CAMK4: variants seen among roughly 807,000 people sequenced by gnomAD.
CAMK4 encodes the protein calcium/calmodulin-dependent protein kinase type IV.
CAMK4 carries 22 observed loss-of-function variants against 44.9 expected under a neutral mutation model. The observed-to-expected ratio is 0.49, with a 90% CI of 0.35 to 0.70. The LOEUF is 0.70. Among genes scored for constraint, CAMK4 ranks in the 30% least tolerant of loss-of-function variants. The pLI is 0.01. For missense variants in CAMK4, 498 were observed against 586.8 expected (o/e 0.85, Z 1.56); for synonymous variants, 218 against 215.4 (o/e 1.01, Z -0.11).
intron 2 of CAMK4, among the ~76,000 whole-genome samples, chr5:111,371,455 C>A (rs1181845742): frequency 6.6e-6 from 1 of 152,170 alleles, no homozygotes; most frequent in African/African-American, 2.4e-5. Context: ...CTTCTGATAA[C>A]ATTATGTAGA....
At chr5:111,406,654 A>T (rs1283669455) in intron 5 of CAMK4, among the ~76,000 whole-genome samples, 1 of 152,186 alleles carries the variant, frequency 6.6e-6, no homozygotes, top group Non-Finnish European at 1.5e-5. Flanking sequence ...CTCTGGGCTC[A>T]CTTTGCACAC....
chr5:111,278,573 G>A (rs1750869876), intron 1 of CAMK4, among the ~76,000 whole-genome samples: 1 of 152,088 alleles, frequency 6.6e-6, no homozygotes, highest in African/African-American at 2.4e-5. Flanking sequence ...AAACATTTAC[G>A]GAGTAAATGC....
In CAMK4 at chr5:111,488,170, T is replaced by A. The variant is rs1474578373; in HGVS notation, c.*3704T>A. On this transcript the variant is annotated 3_prime_UTR_variant, in exon 11 of 11. Transcript: ENST00000282356. The stretch of plus-strand genomic sequence containing the variant: ...GAGGCCTGGATTAAGCTTCATGCCA[T>A]CCTTGTATCACAGGCAATATGTCTT... The A allele has an allele frequency of 6.6e-6, 1 of 152,222 alleles. No individual in the cohort carries two copies. Among genetic ancestry groups the A allele is most frequent in the African/African-American group, 2.4e-5 (1 of 41,464 alleles). 9.4% of individuals were successfully genotyped at this position (152,222 alleles called of 1,614,324 possible). A position where few individuals can be genotyped will look rare whatever the true frequency, so the allele number is the denominator to read the frequency against.
chr5:111,336,362 T>A, intron 1 of CAMK4, among the ~76,000 whole-genome samples: 1 of 151,386 alleles, frequency 6.6e-6, no homozygotes. Flanking sequence ...TAACTGTTAA[T>A]ATGCTTTATG....
chr5:111,373,743 C>T (rs548668453), intron 2 of CAMK4, among the ~76,000 whole-genome samples: 100 of 152,266 alleles, frequency 6.6e-4, no homozygotes, highest in African/African-American at 2.0e-3. Flanking sequence ...ACATAAACTT[C>T]TTCACTTCTA....
chr5:111,361,569 G>A (rs993342815), intron 2 of CAMK4, among the ~76,000 whole-genome samples: 1 of 151,982 alleles, frequency 6.6e-6, no homozygotes, highest in African/African-American at 2.4e-5. Context: ...AGAAAGGACG[G>A]AGTATATTAC....
Position 111,335,879 on chromosome 5 carries a change from CACATT to C in CAMK4, c.162-8141_162-8137del, listed in dbSNP as rs551099352. 1.5e-3 allele frequency among the ~76,000 whole-genome samples: 229 copies of C among 151,482 alleles called. 2 individuals carry two copies. The highest frequency in any genetic ancestry group is 5.2e-3 in the African/African-American group (215 of 41,472). ...CAAATACTACATATGATTTTACAAACACATTACAGGTTTGACAACTCTCTCTTTTT... is the reference window on the plus strand; with the variant it reads ...CAAATACTACATATGATTTTACAAACACAGGTTTGACAACTCTCTCTTTTT... On this transcript the variant is annotated intron_variant, in intron 1 of 10. Coordinates refer to ENST00000282356, the MANE Select transcript of CAMK4 (RefSeq NM_001744.6).
intron 4 of CAMK4, among the ~76,000 whole-genome samples, chr5:111,380,769 T>G (rs2112834967): frequency 6.6e-6 from 1 of 152,316 alleles, no homozygotes; most frequent in Non-Finnish European, 1.5e-5. Flanking sequence ...GGTTTTAGAA[T>G]TTGAGACCTG....
chr5:111,460,717 C>T (rs1176294981), intron 7 of CAMK4, among the ~76,000 whole-genome samples: 1 of 152,140 alleles, frequency 6.6e-6, no homozygotes, highest in Non-Finnish European at 1.5e-5. Context: ...TTGCTGGCAT[C>T]CATCACAACT....
At chr5:111,440,954 T>G (rs536360659) in intron 5 of CAMK4, among the ~76,000 whole-genome samples, 3 of 152,286 alleles carry the variant, frequency 2.0e-5, no homozygotes, top group African/African-American at 7.2e-5. Context: ...GCTCATAACA[T>G]ACTAAGTAAT....
At chr5:111,384,311 T>A (rs1431862641) in intron 4 of CAMK4, among the ~76,000 whole-genome samples, 2 of 152,118 alleles carry the variant, frequency 1.3e-5, no homozygotes, top group African/African-American at 4.8e-5. Context: ...TTGGACAGCG[T>A]CTCTTTTTCT....
rs1296645858 is a variant in CAMK4, at chr5:111,488,298, G to C, written c.*3832G>C. The C allele has an allele frequency of 6.6e-6, 1 of 152,130 alleles. No homozygotes were observed. Among genetic ancestry groups the C allele is most frequent in the African/African-American group, 2.4e-5 (1 of 41,414 alleles). The allele number at this position is 152,130 out of a possible 1,614,324, so 9.4% of individuals were successfully genotyped here. A position where few individuals can be genotyped will look rare whatever the true frequency, so the allele number is the denominator to read the frequency against. Reference sequence around the variant, plus strand: ...CAAAGTGGGAATATGACCATTAGCTGGCATTTTTTAAGATTTCCTTAGAAG... The same window carrying C: ...CAAAGTGGGAATATGACCATTAGCTCGCATTTTTTAAGATTTCCTTAGAAG... On this transcript the variant is annotated 3_prime_UTR_variant, in exon 11 of 11. Coordinates refer to ENST00000282356, the MANE Select transcript of CAMK4 (RefSeq NM_001744.6).
chr5:111,318,174 A>C (rs763910792), intron 1 of CAMK4, among the ~76,000 whole-genome samples: 1 of 152,162 alleles, frequency 6.6e-6, no homozygotes, highest in Non-Finnish European at 1.5e-5. Context: ...TGTGTTATCT[A>C]TCTATGACAC....
intron 1 of CAMK4, among the ~76,000 whole-genome samples, chr5:111,293,896 G>A (rs899143202): frequency 6.6e-5 from 10 of 151,596 alleles, no homozygotes; most frequent in Non-Finnish European, 1.3e-4. Context: ...ACAGGTGCCC[G>A]CCACCATGCC....
At chr5:111,461,813 TAAAA>T (rs3066731) in intron 7 of CAMK4, among the ~76,000 whole-genome samples, 1 of 69,176 alleles carries the variant, frequency 1.4e-5, no homozygotes, top group Non-Finnish European at 2.8e-5. Context: ...GCCTCTATAG[TAAAA>T]AAAAAAAAAA....
At chr5:111,470,751 A>C (rs958812237) in intron 7 of CAMK4, among the ~76,000 whole-genome samples, 2 of 152,230 alleles carry the variant, frequency 1.3e-5, no homozygotes, top group Non-Finnish European at 2.9e-5. Flanking sequence ...ATGATTTCCT[A>C]TTGAAAGTCT....
intron 5 of CAMK4, among the ~76,000 whole-genome samples, chr5:111,441,454 A>G (rs1022829577): frequency 3.3e-5 from 5 of 152,106 alleles, no homozygotes; most frequent in Admixed American, 3.3e-4. Context: ...ATTAACTTGT[A>G]TACCCCTGGT....
intron 1 of CAMK4, among the ~76,000 whole-genome samples, chr5:111,322,388 C>T (rs895087971): frequency 9.2e-5 from 14 of 151,998 alleles, no homozygotes; most frequent in Non-Finnish European, 1.8e-4. Flanking sequence ...AGAAGGATCA[C>T]GTCCTAGGGC....
chr5:111,346,835 A>AAACAAACG (rs1749891312), intron 2 of CAMK4, among the ~76,000 whole-genome samples: 1 of 151,722 alleles, frequency 6.6e-6, no homozygotes, highest in Non-Finnish European at 1.5e-5. Context: ...ACAAACAAAC[A>AAACAAACG]AACAAACAAA....
Sources: allele counts gnomAD v4.1 joint callset (sites outside exome capture counted in the v4.1 genomes callset), GRCh38; gene constraint gnomAD v4.1.1; transcripts MANE v1.5; gene names NCBI Gene and HGNC (gene_info 2026-07-23, HGNC 2026-07-21).